Variants in PLPP7 observed in about 807,000 individuals in gnomAD.
PLPP7 encodes inactive phospholipid phosphatase 7.
PLPP7 carries 11 observed loss-of-function variants against 16.9 expected under a neutral mutation model. The ratio of observed to expected loss-of-function variants is 0.65; its 90% CI spans 0.41 to 1.08. The LOEUF is 1.08. PLPP7 is among the 50% of genes least tolerant of loss of function. The pLI, the probability that PLPP7 is intolerant of heterozygous loss-of-function variation, is 0.00. For missense variants in PLPP7, 358 were observed against 397.1 expected (o/e 0.90, Z 0.84); for synonymous variants, 174 against 175.1 (o/e 0.99, Z 0.05).
At chr9:131,298,794 C>A (rs1334644505) in intron 1 of PLPP7, among the ~76,000 whole-genome samples, 1 of 152,230 alleles carries the variant, frequency 6.6e-6, no homozygotes, top group African/African-American at 2.4e-5. Context: ...CTGGCCACCA[C>A]CAACCCCGAG....
Position 131,290,183 on chromosome 9 carries a change from A to G in PLPP7, c.186A>G (p.Ser62=), listed in dbSNP as rs772100077. ...ACGGGGCCAGAGAGCGACGCCAGTC[A>G]CAGCAGCTGCCAGAGGAGGACTGCA... ...AGDGARERRQ[S]QQLPEEDCMQ... Residue 62 remains serine (S), a synonymous_variant, in exon 1 of 2, where the codon TCA becomes TCG. Transcript: ENST00000372264. This position sits in a 1 kb window ranked among gnomAD's most constrained non-coding sequence, Gnocchi z 4.2. 2.1e-5 allele frequency: 34 copies of G among 1,587,714 alleles called. No homozygotes were observed. The highest frequency in any genetic ancestry group is 2.1e-5 in the Non-Finnish European group (24 of 1,163,892).
intron 1 of PLPP7, chr9:131,291,041 T>C: frequency 5.9e-6 from 8 of 1,362,924 alleles, no homozygotes; most frequent in Non-Finnish European, 7.9e-6. Flanking sequence ...GGGGAGTCAC[T>C]GGAGAAGGGT....
chr9:131,304,775 C>G (rs1356614350), intron 1 of PLPP7, among the ~76,000 whole-genome samples: 1 of 152,244 alleles, frequency 6.6e-6, no homozygotes, highest in East Asian at 1.9e-4. Context: ...ACAGGCACAG[C>G]CCCTGCCTCC....
At chr9:131,301,845 CT>C (rs1205168576) in intron 1 of PLPP7, among the ~76,000 whole-genome samples, 1 of 142,172 alleles carries the variant, frequency 7.0e-6, no homozygotes, top group African/African-American at 2.7e-5. Flanking sequence ...GAGACGGAGT[CT>C]CGCCCTGTCG....
rs1835878303 is a variant in PLPP7, at chr9:131,308,224, C to G, written c.753C>G (p.Phe251Leu). ...LSGFVIGYLQFRLVELVWMPS... is the reference protein window; with the variant it reads ...LSGFVIGYLQLRLVELVWMPS... ...GCTTTGTCATCGGCTACCTCCAGTT[C>G]CGTCTGGTGGAGCTGGTCTGGATGC... The change falls in exon 2 of 2, where the codon TTC becomes TTG. Residue 251 changes from phenylalanine to leucine, a missense_variant. Physicochemically the swap from Phe to Leu is conservative, Grantham distance 22. Transcript: ENST00000372264. The G allele has an allele frequency of 2.5e-6, 4 of 1,599,484 alleles. No homozygotes were observed. The highest frequency in any genetic ancestry group is 3.4e-6 in the Non-Finnish European group (4 of 1,179,824).
At chr9:131,294,105 C>T (rs1171731810) in intron 1 of PLPP7, among the ~76,000 whole-genome samples, 6 of 152,184 alleles carry the variant, frequency 3.9e-5, no homozygotes, top group Admixed American at 2.6e-4. Flanking sequence ...CATGCCCTCC[C>T]TGCTTGCCCC....
intron 1 of PLPP7, among the ~76,000 whole-genome samples, chr9:131,305,657 C>A (rs1835844956): frequency 6.6e-6 from 1 of 151,466 alleles, no homozygotes. Context: ...CCACACTCAG[C>A]TAATTTTTGT....
rs960273118 is a variant in PLPP7 at position 131,295,113 on chromosome 9, T to TA, written c.451+4674dup. Among the ~76,000 whole-genome samples, 26 of 149,840 alleles carry TA rather than the reference T, an allele frequency of 1.7e-4. No individual in the cohort carries two copies. Among genetic ancestry groups the TA allele is most frequent in the Non-Finnish European group, 2.5e-4 (17 of 67,400 alleles). ...CTGGGCGACAGAGTGAGACTCTGTCTAAAAAAAAAGTATCTTTATTGAGAT... is the reference window on the plus strand; with the variant it reads ...CTGGGCGACAGAGTGAGACTCTGTCTAAAAAAAAAAGTATCTTTATTGAGAT... On this transcript the variant is annotated intron_variant, in intron 1 of 1. Transcript: ENST00000372264. The surrounding 1 kb of genome is among the most constrained non-coding windows in gnomAD (Gnocchi z 4.0).
At chr9:131,298,668 A>C (rs915532922) in intron 1 of PLPP7, among the ~76,000 whole-genome samples, 6 of 152,308 alleles carry the variant, frequency 3.9e-5, no homozygotes, top group African/African-American at 1.4e-4. Flanking sequence ...GTGATGTTCT[A>C]ATTTTCAGAG....
In PLPP7 at chr9:131,290,160, G is replaced by T. The variant is rs749026819; in HGVS notation, c.163G>T (p.Gly55Trp). ...AGCACAGCCCCCACCTGCTGGTGAC[G>T]GGGCCAGAGAGCGACGCCAGTCACA... is the stretch of plus-strand genomic sequence containing the variant. ...PSAQPPPAGDGARERRQSQQL... is the reference protein window; with the variant it reads ...PSAQPPPAGDWARERRQSQQL... The change falls in exon 1 of 2, where the codon GGG (glycine) becomes TGG (tryptophan). Residue 55 changes from glycine to tryptophan, a missense_variant. Coordinates refer to ENST00000372264, the MANE Select transcript of PLPP7 (RefSeq NM_032728.4). This position sits in a 1 kb window ranked among gnomAD's most constrained non-coding sequence, Gnocchi z 4.2. 6.3e-7 allele frequency: 1 copy of T among 1,575,698 alleles called. No homozygotes were observed. The highest frequency in any genetic ancestry group is 8.6e-7 in the Non-Finnish European group (1 of 1,156,702).
At chr9:131,293,072 C>A in intron 1 of PLPP7, 3 of 624,994 alleles carry the variant, frequency 4.8e-6, no homozygotes, top group Non-Finnish European at 6.0e-6. Flanking sequence ...TGTCGATGAC[C>A]TTTCAAGGTA....
chr9:131,299,367 C>A lies in PLPP7; in HGVS notation c.452-8556C>A, dbSNP rs55753220. Reference sequence around the variant, plus strand: ...GGTCTCCTTGCCCTCCTTGAGTCAACTGGTCGACTGGACAGGGCCATGTGG... The same window carrying A: ...GGTCTCCTTGCCCTCCTTGAGTCAAATGGTCGACTGGACAGGGCCATGTGG... On this transcript the variant is annotated intron_variant, in intron 1 of 1. Coordinates refer to ENST00000372264, the MANE Select transcript of PLPP7 (RefSeq NM_032728.4). 5.9e-5 allele frequency among the ~76,000 whole-genome samples: 9 copies of A among 151,974 alleles called. No individual in the cohort carries two copies. In the South Asian group the frequency reaches 1.2e-3, roughly 21 times the overall value.
Position 131,308,513 on chromosome 9 carries a change from A to T in PLPP7, c.*226A>T. 1.4e-6 allele frequency: 1 copy of T among 725,414 alleles called. No homozygotes were observed. The highest frequency in any genetic ancestry group is 2.2e-6 in the Non-Finnish European group (1 of 457,746). The allele number at this position is 725,414 out of a possible 1,614,324, so 44.9% of individuals were successfully genotyped here. On this transcript the variant is annotated 3_prime_UTR_variant, in exon 2 of 2. Coordinates refer to ENST00000372264, the MANE Select transcript of PLPP7 (RefSeq NM_032728.4). ...CCTCTTGCCCCTTTGCTTGGACTCCAAGTCTCCTCTCTAGGCAGCCAGGAC... is the reference window on the plus strand; with the variant it reads ...CCTCTTGCCCCTTTGCTTGGACTCCTAGTCTCCTCTCTAGGCAGCCAGGAC...
At chr9:131,302,058 C>T (rs1835804690) in intron 1 of PLPP7, among the ~76,000 whole-genome samples, 1 of 151,924 alleles carries the variant, frequency 6.6e-6, no homozygotes, top group South Asian at 2.1e-4. Context: ...ACCTCAGGCG[C>T]TCCGTCCACC....
intron 1 of PLPP7, chr9:131,291,508 C>A: frequency 9.2e-6 from 6 of 649,752 alleles, no homozygotes; most frequent in Non-Finnish European, 1.2e-5. Context: ...CCATTGGATA[C>A]TTCATGCAGG....
At chr9:131,293,458 G>A (rs1382802605) in intron 1 of PLPP7, among the ~76,000 whole-genome samples, 3 of 152,230 alleles carry the variant, frequency 2.0e-5, no homozygotes, top group African/African-American at 7.2e-5. Flanking sequence ...CCAGACCTCG[G>A]CTTGGTGGGA....
In PLPP7 at chr9:131,290,088, G is replaced by A. The variant is rs563480878; in HGVS notation, c.91G>A (p.Gly31Arg). The A allele has an allele frequency of 1.3e-5, 20 of 1,511,932 alleles. No individual in the cohort carries two copies. The African/African-American group carries it at 2.5e-4, about 19-fold the overall frequency. 93.7% of individuals were successfully genotyped at this position (1,511,932 alleles called of 1,614,324 possible). A position where few individuals can be genotyped will look rare whatever the true frequency, so the allele number is the denominator to read the frequency against. ...EFLSLNQPPKGGPEPRSSGRK... is the reference protein window; with the variant it reads ...EFLSLNQPPKRGPEPRSSGRK... ...CCTGTCCCTGAACCAGCCCCCCAAG[G>A]GGGGCCCGGAGCCCCGCAGCTCGGG... The change falls in exon 1 of 2, where the codon GGG becomes AGG. Residue 31 changes from glycine to arginine, a missense_variant. Physicochemically the swap from Gly to Arg is moderately radical, Grantham distance 125 (BLOSUM62 -2). Transcript: ENST00000372264. The surrounding 1 kb of genome is among the most constrained non-coding windows in gnomAD (Gnocchi z 4.2).
chr9:131,302,208 A>G (rs1835806870), intron 1 of PLPP7, among the ~76,000 whole-genome samples: 1 of 151,974 alleles, frequency 6.6e-6, no homozygotes, highest in Non-Finnish European at 1.5e-5. Flanking sequence ...CTTGAACCCC[A>G]CCTGTGACTC....
chr9:131,291,691 C>T (rs1835680246), intron 1 of PLPP7, among the ~76,000 whole-genome samples: 1 of 151,858 alleles, frequency 6.6e-6, no homozygotes, highest in Non-Finnish European at 1.5e-5. Context: ...AAGCAATTCT[C>T]CTACCTCAGC....
Sources: gnomAD v4.1 joint callset for allele counts (sites outside exome capture counted in the v4.1 genomes callset) on GRCh38, gnomAD v4.1.1 for gene constraint, Gnocchi (gnomAD v3.1) non-coding constraint, MANE v1.5 for transcripts, NCBI Gene and HGNC (gene_info 2026-07-23, HGNC 2026-07-21) for gene names.